Variants in PGM2L1 observed in about 807,000 individuals in gnomAD.
PGM2L1 encodes glucose 1,6-bisphosphate synthase.
PGM2L1 carries 35 observed loss-of-function variants against 73.4 expected under a neutral mutation model. The ratio of observed to expected loss-of-function variants is 0.48; its 90% CI spans 0.36 to 0.63. The LOEUF (loss-of-function observed/expected upper bound fraction) is 0.63, where lower values mean the gene tolerates loss of function less well. Among genes scored for constraint, PGM2L1 ranks in the 30% least tolerant of loss-of-function variants. The pLI, the probability that PGM2L1 is intolerant of heterozygous loss-of-function variation, is 0.00. For missense variants in PGM2L1, 570 were observed against 742.0 expected (o/e 0.77, Z 2.69); for synonymous variants, 225 against 253.8 (o/e 0.89, Z 1.08).
At chr11:74,385,637 C>T (rs1443703681) in intron 1 of PGM2L1, among the ~76,000 whole-genome samples, 13 of 151,754 alleles carry the variant, frequency 8.6e-5, no homozygotes, top group African/African-American at 3.1e-4. Context: ...ACTGAGATTC[C>T]ATAGTTTTAT....
intron 1 of PGM2L1, among the ~76,000 whole-genome samples, chr11:74,397,053 G>A (rs1158133507): frequency 6.6e-6 from 1 of 152,238 alleles, no homozygotes. Flanking sequence ...AATGAATAAA[G>A]TAAAAACAAA....
intron 2 of PGM2L1, among the ~76,000 whole-genome samples, chr11:74,372,055 C>T (rs1447782255): frequency 6.6e-6 from 1 of 151,340 alleles, no homozygotes; most frequent in Non-Finnish European, 1.5e-5. Context: ...ATTTAGTAAC[C>T]ACTACTAAAC....
chr11:74,352,049 A>G (rs994722592), intron 5 of PGM2L1, among the ~76,000 whole-genome samples: 1 of 152,162 alleles, frequency 6.6e-6, no homozygotes, highest in Non-Finnish European at 1.5e-5. Flanking sequence ...GACTAATTTA[A>G]TAAATATTAA....
chr11:74,336,871 A>G, intron 13 of PGM2L1, 117 bp from the exon 14 acceptor site: 1 of 663,524 alleles, frequency 1.5e-6, no homozygotes. Context: ...GGTAAACAAA[A>G]GAGAAATTCA....
At chr11:74,360,427 C>T (rs1237200536) in intron 5 of PGM2L1, among the ~76,000 whole-genome samples, 3 of 151,770 alleles carry the variant, frequency 2.0e-5, no homozygotes, top group South Asian at 2.1e-4. Context: ...ATAGCAGAGG[C>T]GGTTCCAAGA....
At position 74,330,844 on chromosome 11, in the gene PGM2L1, A is replaced by G. The variant is rs1028045675; in HGVS notation, c.*5808T>C. On this transcript the variant is annotated 3_prime_UTR_variant, in exon 14 of 14. Coordinates refer to ENST00000298198, the MANE Select transcript of PGM2L1 (RefSeq NM_173582.6). ...TTGAGTGTAAAATACCAGGCATTAT[A>G]TATAATTTCCACAGAGAGATATGCT... The G allele has an allele frequency of 2.0e-5, 3 of 152,442 alleles. No homozygotes were observed. The highest frequency in any genetic ancestry group is 4.4e-5 in the Non-Finnish European group (3 of 68,040). 9.4% of individuals were successfully genotyped at this position (152,442 alleles called of 1,614,324 possible). A position where few individuals can be genotyped will look rare whatever the true frequency, so the allele number is the denominator to read the frequency against.
intron 1 of PGM2L1, among the ~76,000 whole-genome samples, chr11:74,379,797 C>T (rs1475326926): frequency 6.6e-6 from 1 of 151,918 alleles, no homozygotes. Flanking sequence ...TGGTGGTGGG[C>T]ACCTGTAATC....
intron 9 of PGM2L1, among the ~76,000 whole-genome samples, chr11:74,344,621 A>G (rs1401124487): frequency 1.3e-5 from 2 of 152,236 alleles, no homozygotes; most frequent in African/African-American, 4.8e-5. Flanking sequence ...TCCCTGCTAC[A>G]ACAAAAACAA....
At chr11:74,360,470 C>A (rs1055899079) in intron 5 of PGM2L1, among the ~76,000 whole-genome samples, 10 of 151,988 alleles carry the variant, frequency 6.6e-5, no homozygotes, top group Non-Finnish European at 1.3e-4. Context: ...GTCTACAGCT[C>A]CCAGCAGGAC....
chr11:74,365,136 T>C (rs891693976), intron 5 of PGM2L1, among the ~76,000 whole-genome samples: 3 of 150,726 alleles, frequency 2.0e-5, no homozygotes, highest in African/African-American at 4.8e-5. Context: ...ATTTAATAAA[T>C]GGTGCTGGGA....
At chr11:74,374,014 T>C (rs1862814886) in intron 2 of PGM2L1, among the ~76,000 whole-genome samples, 1 of 147,154 alleles carries the variant, frequency 6.8e-6, no homozygotes, top group Non-Finnish European at 1.5e-5. Context: ...GTTTTGTGTG[T>C]GTGTGCGTTT....
intron 1 of PGM2L1, among the ~76,000 whole-genome samples, chr11:74,387,853 C>T (rs1223474352): frequency 6.6e-6 from 1 of 152,160 alleles, no homozygotes; most frequent in African/African-American, 2.4e-5. Flanking sequence ...GATAAAGCTG[C>T]AGACATCATT....
chr11:74,387,734 A>C (rs1216803007), intron 1 of PGM2L1, among the ~76,000 whole-genome samples: 1 of 152,228 alleles, frequency 6.6e-6, no homozygotes, highest in Non-Finnish European at 1.5e-5. Flanking sequence ...TTGCCCTTAA[A>C]AGCCAATGTC....
At chr11:74,341,695 G>GAA (rs11336177) in intron 12 of PGM2L1, among the ~76,000 whole-genome samples, 208 of 94,002 alleles carry the variant, frequency 2.2e-3, no homozygotes, top group East Asian at 5.3e-3. Flanking sequence ...CTGTCTCAAG[G>GAA]AAAAAAAAAA....
chr11:74,351,758 C>T (rs907780688), intron 5 of PGM2L1, among the ~76,000 whole-genome samples, 182 bp from the exon 6 acceptor site: 6 of 151,922 alleles, frequency 3.9e-5, no homozygotes, highest in Non-Finnish European at 7.4e-5. Flanking sequence ...GTCAGCAGAT[C>T]GAGACCATCC....
chr11:74,350,643 G>A (rs982964563), intron 6 of PGM2L1, among the ~76,000 whole-genome samples: 2 of 152,172 alleles, frequency 1.3e-5, no homozygotes, highest in African/African-American at 4.8e-5. Flanking sequence ...TTGGGAGGCT[G>A]AGGCAGGCGG....
chr11:74,336,771 G>C lies in PGM2L1; in HGVS notation c.1767-17C>G. 1.3e-6 allele frequency: 2 copies of C among 1,538,398 alleles called. No homozygotes were observed. The highest frequency in any genetic ancestry group is 1.8e-6 in the Non-Finnish European group (2 of 1,120,636). On this transcript the variant is annotated splice_polypyrimidine_tract_variant and intron_variant, in intron 13 of 13. Transcript: ENST00000298198. ...GCAGTGTCACTGAGGAAAAGATGAA[G>C]AGTTTTGGAATTATTTATTTTCATA...
chr11:74,348,031 C>A (rs1398089372), intron 6 of PGM2L1, among the ~76,000 whole-genome samples: 1 of 152,142 alleles, frequency 6.6e-6, no homozygotes, highest in Non-Finnish European at 1.5e-5. Flanking sequence ...GACACAGAGC[C>A]ATTTGATGGG....
intron 2 of PGM2L1, among the ~76,000 whole-genome samples, chr11:74,372,987 C>A (rs1862795348): frequency 6.6e-6 from 1 of 151,798 alleles, no homozygotes; most frequent in Non-Finnish European, 1.5e-5. Context: ...TCTCTATATG[C>A]ATTAGGTTGG....
Sources: allele counts gnomAD v4.1 joint callset (sites outside exome capture counted in the v4.1 genomes callset), GRCh38; gene constraint gnomAD v4.1.1; transcripts MANE v1.5; gene names NCBI Gene and HGNC (gene_info 2026-07-23, HGNC 2026-07-21).